Variants in VWA3B observed in about 807,000 individuals in gnomAD.
VWA3B encodes the protein von Willebrand factor A domain-containing protein 3B.
A neutral mutation model predicts 158.3 loss-of-function variants in VWA3B; 138 were observed. The observed-to-expected ratio is 0.87, with a 90% CI of 0.76 to 1.00. VWA3B has a LOEUF of 1.00. Ranked by LOEUF, VWA3B falls within the 50% of genes least tolerant of loss-of-function variation. The probability of loss-of-function intolerance (pLI) is 0.00; values close to 1 mark genes in which losing one functional copy is unlikely to be tolerated. For missense variants in VWA3B, 1,555 were observed against 1,565.1 expected (o/e 0.99, Z 0.11); for synonymous variants, 596 against 587.3 (o/e 1.01, Z -0.21).
intron 6 of VWA3B, among the ~76,000 whole-genome samples, chr2:98,130,858 A>G (rs1052605260): frequency 6.6e-6 from 1 of 152,234 alleles, no homozygotes; most frequent in Non-Finnish European, 1.5e-5. Context: ...TGTTGCATGC[A>G]TAGCATGTGG....
At chr2:98,180,458 T>C (rs1239928238) in intron 8 of VWA3B, among the ~76,000 whole-genome samples, 1 of 152,184 alleles carries the variant, frequency 6.6e-6, no homozygotes, top group Non-Finnish European at 1.5e-5. Context: ...TCCCAAAGTG[T>C]TGGGATTATT....
intron 9 of VWA3B, among the ~76,000 whole-genome samples, chr2:98,185,335 T>G (rs1680944851): frequency 6.6e-6 from 1 of 152,188 alleles, no homozygotes; most frequent in Non-Finnish European, 1.5e-5. Flanking sequence ...CTTAAACTAT[T>G]GCACTCACCT....
At chr2:98,230,254 G>T in intron 16 of VWA3B, 47 bp downstream of exon 16, 2 of 1,463,648 alleles carry the variant, frequency 1.4e-6, no homozygotes, top group Non-Finnish European at 1.8e-6. Context: ...TTCTCTTCAA[G>T]GCAAGAAGAT....
intron 7 of VWA3B, among the ~76,000 whole-genome samples, chr2:98,146,951 T>A (rs1189429785): frequency 1.3e-5 from 2 of 152,168 alleles, no homozygotes; most frequent in Non-Finnish European, 2.9e-5. Flanking sequence ...GTCAGCCACT[T>A]TTTTTGGTCA....
chr2:98,257,470 A>G (rs1469645212), intron 21 of VWA3B, among the ~76,000 whole-genome samples: 2 of 152,092 alleles, frequency 1.3e-5, no homozygotes, highest in Non-Finnish European at 2.9e-5. Context: ...ATCTTTGGAT[A>G]AATATCCAGT....
intron 7 of VWA3B, among the ~76,000 whole-genome samples, chr2:98,134,179 T>C (rs920026355): frequency 2.2e-4 from 33 of 152,358 alleles, no homozygotes; most frequent in African/African-American, 7.2e-4. Flanking sequence ...CTTGAGAACC[T>C]GCTGGAGATG....
chr2:98,224,435 G>C (rs1684754907), intron 14 of VWA3B, among the ~76,000 whole-genome samples: 1 of 152,160 alleles, frequency 6.6e-6, no homozygotes, highest in Admixed American at 6.5e-5. Flanking sequence ...GAATGGAAGT[G>C]ATGTTTACAT....
intron 22 of VWA3B, 49 bp from the exon 23 acceptor site, chr2:98,290,462 A>G (rs760132749): frequency 1.5e-6 from 2 of 1,360,844 alleles, no homozygotes; most frequent in Admixed American, 2.3e-5. Context: ...CATTTTCAGC[A>G]TCTGCATTCA....
At chr2:98,109,997 T>C (rs1674016364) in intron 2 of VWA3B, among the ~76,000 whole-genome samples, 7 of 152,118 alleles carry the variant, frequency 4.6e-5, no homozygotes, top group Admixed American at 4.6e-4. Context: ...TCTTCGAATT[T>C]CACTCAGATT....
chr2:98,179,051 G>A (rs1009050657), intron 8 of VWA3B, among the ~76,000 whole-genome samples: 2 of 152,120 alleles, frequency 1.3e-5, no homozygotes, highest in African/African-American at 4.8e-5. Flanking sequence ...AAAAAGCCCC[G>A]ATGTGTAGCA....
chr2:98,144,947 T>C lies in VWA3B; in HGVS notation c.988+11008T>C, dbSNP rs116843682. On this transcript the variant is annotated intron_variant, in intron 7 of 27. Transcript: ENST00000477737. Reference sequence around the variant, plus strand: ...TGCTACAATGCCCTTGGCTCACTTTTCTCCCTTGAGTGGCTCAGGAGCTGT... The same window carrying C: ...TGCTACAATGCCCTTGGCTCACTTTCCTCCCTTGAGTGGCTCAGGAGCTGT... Among the ~76,000 whole-genome samples the C allele has an allele frequency of 5.1e-3, 775 of 152,320 alleles. 17 individuals carry two copies. In the East Asian group the frequency reaches 0.088, roughly 17 times the overall value.
intron 22 of VWA3B, among the ~76,000 whole-genome samples, chr2:98,284,822 G>C (rs368371487): frequency 3.3e-5 from 5 of 152,080 alleles, no homozygotes; most frequent in African/African-American, 1.2e-4. Flanking sequence ...TTATGGTTAA[G>C]AAAGAAAAAA....
chr2:98,280,334 T>C (rs1688796600), intron 22 of VWA3B, among the ~76,000 whole-genome samples: 1 of 152,092 alleles, frequency 6.6e-6, no homozygotes, highest in African/African-American at 2.4e-5. Context: ...ATTCCTTTGC[T>C]GCCACAAAGA....
intron 21 of VWA3B, among the ~76,000 whole-genome samples, chr2:98,257,098 C>T (rs537535401): frequency 6.6e-6 from 1 of 152,018 alleles, no homozygotes; most frequent in Admixed American, 6.6e-5. Flanking sequence ...TCATCTCCCC[C>T]ACCTCCACAC....
chr2:98,314,993 A>C (rs1187380687), downstream of VWA3B, among the ~76,000 whole-genome samples: 1 of 152,134 alleles, frequency 6.6e-6, no homozygotes, highest in African/African-American at 2.4e-5. Context: ...CAAAAAAAAA[A>C]AAAGAAAAAA....
chr2:98,161,772 TCTC>T (rs1678603196), intron 7 of VWA3B, among the ~76,000 whole-genome samples: 2 of 152,104 alleles, frequency 1.3e-5, no homozygotes, highest in African/African-American at 4.8e-5. Flanking sequence ...AGTGGTGTGA[TCTC>T]AGCTCACTGC....
intron 26 of VWA3B, among the ~76,000 whole-genome samples, chr2:98,307,326 T>C (rs1052962215): frequency 1.3e-5 from 2 of 152,188 alleles, no homozygotes; most frequent in African/African-American, 4.8e-5. Flanking sequence ...CGGTTTCCAT[T>C]GGCTGGAACG....
chr2:98,279,188 T>G (rs1341045020), intron 22 of VWA3B, among the ~76,000 whole-genome samples: 1 of 152,126 alleles, frequency 6.6e-6, no homozygotes, highest in Admixed American at 6.5e-5. Flanking sequence ...CACCAGTCAC[T>G]GGAGGAAACT....
chr2:98,178,126 T>C (rs1680165735), intron 8 of VWA3B, among the ~76,000 whole-genome samples: 1 of 152,188 alleles, frequency 6.6e-6, no homozygotes, highest in Admixed American at 6.5e-5. Context: ...ATCCTCTTTT[T>C]GCTGCTTCTT....
Sources: allele counts gnomAD v4.1 joint callset (sites outside exome capture counted in the v4.1 genomes callset), GRCh38; gene constraint gnomAD v4.1.1; transcripts MANE v1.5; gene names NCBI Gene and HGNC (gene_info 2026-07-23, HGNC 2026-07-21).